RBFOX3: variants seen among roughly 807,000 people sequenced by gnomAD.
The protein encoded by RBFOX3 is RNA binding fox-1 homolog 3, also known as RNA binding protein fox-1 homolog 3.
Under a neutral mutation model 48.7 loss-of-function variants are expected in RBFOX3, and 17 were observed. The ratio of observed to expected loss-of-function variants is 0.35; its 90% confidence interval spans 0.24 to 0.52. The LOEUF (loss-of-function observed/expected upper bound fraction) is 0.52. Ranked by LOEUF, RBFOX3 falls within the 20% of genes least tolerant of loss-of-function variation. The pLI is 0.94. For synonymous variants in RBFOX3, 212 were observed against 209.5 expected (o/e 1.01, Z -0.10); for missense variants, 382 against 497.5 (o/e 0.77, Z 2.21).
intron 4 of RBFOX3, among the ~76,000 whole-genome samples, chr17:79,149,565 T>TGG (rs112606209): frequency 2.6e-5 from 4 of 151,642 alleles, no homozygotes; most frequent in African/African-American, 9.7e-5. Flanking sequence ...GAAGTGTGCC[T>TGG]GGGGGGGTCC....
intron 2 of RBFOX3, among the ~76,000 whole-genome samples, chr17:79,455,887 C>A (rs559017922): frequency 3.4e-4 from 52 of 152,302 alleles, no homozygotes; most frequent in Non-Finnish European, 6.9e-4. Flanking sequence ...TCCAGTGCTA[C>A]GTGGCGTCTG....
intron 2 of RBFOX3, among the ~76,000 whole-genome samples, chr17:79,348,439 T>C (rs1229995644): frequency 6.6e-6 from 1 of 152,158 alleles, no homozygotes; most frequent in Non-Finnish European, 1.5e-5. Context: ...GCACAATGAT[T>C]TGAAACCCCT....
intron 2 of RBFOX3, among the ~76,000 whole-genome samples, chr17:79,463,035 C>T (rs797029483): frequency 6.9e-6 from 1 of 144,644 alleles, no homozygotes; most frequent in African/African-American, 2.5e-5. Flanking sequence ...ACCTCCACCA[C>T]CATCGCCACT....
rs981559453 is a variant in RBFOX3 at position 79,509,524 on chromosome 17, C to T, written c.-319-26926G>A. On this transcript the variant is annotated intron_variant, in intron 1 of 14. Transcript: ENST00000693108. ...GGAGTCTGAGTCCAGGGCAGGCAGG[C>T]ACTTGTATCGTAACAGCGTTCTAGC... Among the ~76,000 whole-genome samples, 4 of 152,288 alleles carry T rather than the reference C, an allele frequency of 2.6e-5. No individual in the cohort carries two copies. In the East Asian group the frequency reaches 7.7e-4, roughly 29 times the overall value.
At chr17:79,607,066 G>C (rs2093848517) in intron 1 of RBFOX3, among the ~76,000 whole-genome samples, 1 of 152,148 alleles carries the variant, frequency 6.6e-6, no homozygotes, top group African/African-American at 2.4e-5. Flanking sequence ...CTTTATGAAA[G>C]AGCGTGGAGA....
At chr17:79,179,373 C>T (rs977696392) in intron 4 of RBFOX3, among the ~76,000 whole-genome samples, 6 of 152,226 alleles carry the variant, frequency 3.9e-5, no homozygotes, top group Non-Finnish European at 7.3e-5. Context: ...GCATCCTCCA[C>T]GGAAGCTTCC....
At chr17:79,211,686 T>TC (rs1368644352) in intron 4 of RBFOX3, among the ~76,000 whole-genome samples, 1 of 152,168 alleles carries the variant, frequency 6.6e-6, no homozygotes, top group African/African-American at 2.4e-5. Flanking sequence ...AGTCCCAGGC[T>TC]CCGGCAGGGC....
chr17:79,101,260 A>C (rs1433503343), intron 9 of RBFOX3, among the ~76,000 whole-genome samples: 2 of 152,154 alleles, frequency 1.3e-5, no homozygotes, highest in Non-Finnish European at 2.9e-5. Flanking sequence ...AGTCAGTCCT[A>C]ATCCAGGAAG....
chr17:79,567,702 G>A (rs1164063581), intron 1 of RBFOX3, among the ~76,000 whole-genome samples: 5 of 152,140 alleles, frequency 3.3e-5, no homozygotes, highest in African/African-American at 4.8e-5. Context: ...CTCCTTGTCC[G>A]TACCTCTTAG....
intron 1 of RBFOX3, among the ~76,000 whole-genome samples, chr17:79,569,676 G>C (rs2092594031): frequency 2.0e-5 from 3 of 152,188 alleles, no homozygotes; most frequent in Non-Finnish European, 2.9e-5. Context: ...CTGTTACTTA[G>C]CGGGGCCTGC....
At chr17:79,389,125 G>A (rs531570701) in intron 2 of RBFOX3, among the ~76,000 whole-genome samples, 4 of 152,316 alleles carry the variant, frequency 2.6e-5, no homozygotes, top group East Asian at 3.9e-4. Context: ...CAAGCACCGC[G>A]TCACAGGGGA....
intron 4 of RBFOX3, among the ~76,000 whole-genome samples, chr17:79,130,724 G>A (rs1387006403): frequency 3.3e-5 from 5 of 152,362 alleles, no homozygotes; most frequent in East Asian, 1.9e-4. Context: ...CACAGAGCCC[G>A]ATACCGAGCA....
At chr17:79,091,548 C>T (rs1036195674) in intron 14 of RBFOX3, among the ~76,000 whole-genome samples, 4 of 152,176 alleles carry the variant, frequency 2.6e-5, no homozygotes, top group African/African-American at 9.7e-5. Flanking sequence ...AAGGAGTGGC[C>T]CGCAGGCCAC....
At chr17:79,226,396 C>T (rs2060314677) in intron 4 of RBFOX3, among the ~76,000 whole-genome samples, 1 of 152,166 alleles carries the variant, frequency 6.6e-6, no homozygotes, top group Non-Finnish European at 1.5e-5. Flanking sequence ...AAAGATGGAC[C>T]TCATGACCAT....
chr17:79,246,135 C>T (rs540687546), intron 3 of RBFOX3, among the ~76,000 whole-genome samples: 4 of 152,252 alleles, frequency 2.6e-5, no homozygotes, highest in South Asian at 2.1e-4. Flanking sequence ...GACGTGCTTC[C>T]GTCTGATTTT....
At chr17:79,461,870 C>CG (rs141005536) in intron 2 of RBFOX3, among the ~76,000 whole-genome samples, 3,950 of 152,274 alleles carry the variant, frequency 0.026, 171 homozygotes, top group African/African-American at 0.09. Flanking sequence ...GGCTGAGGAA[C>CG]GCCATGGGTG....
At chr17:79,603,567 G>C (rs962755795) in intron 1 of RBFOX3, among the ~76,000 whole-genome samples, 2 of 152,182 alleles carry the variant, frequency 1.3e-5, no homozygotes, top group Admixed American at 6.5e-5. Context: ...CCTCTCTATA[G>C]AGACATGCTA....
intron 2 of RBFOX3, among the ~76,000 whole-genome samples, chr17:79,377,597 G>T (rs892370417): frequency 1.3e-5 from 2 of 152,216 alleles, no homozygotes; most frequent in African/African-American, 4.8e-5. Context: ...CACTCAGGCG[G>T]TTCCACGGTG....
intron 3 of RBFOX3, among the ~76,000 whole-genome samples, chr17:79,297,380 G>T (rs1406792283): frequency 6.6e-6 from 1 of 152,176 alleles, no homozygotes; most frequent in African/African-American, 2.4e-5. Context: ...AAGCTGGGGT[G>T]CTGCTGCACA....
Sources: gnomAD v4.1 joint callset for allele counts (sites outside exome capture counted in the v4.1 genomes callset) on GRCh38, gnomAD v4.1.1 for gene constraint, MANE v1.5 for transcripts, NCBI Gene and HGNC (gene_info 2026-07-23, HGNC 2026-07-21) for gene names.